PRKAB2: variants seen among roughly 807,000 people sequenced by gnomAD.
PRKAB2 encodes the protein 5'-AMP-activated protein kinase subunit beta-2.
In PRKAB2, 18 loss-of-function variants were observed where a neutral mutation model predicts 29.8. The ratio of observed to expected loss-of-function variants is 0.60; its 90% CI spans 0.42 to 0.89. The LOEUF (loss-of-function observed/expected upper bound fraction) is 0.89, where lower values mean the gene tolerates loss of function less well. PRKAB2 is among the 40% of genes least tolerant of loss of function. The pLI is 0.00. For synonymous variants in PRKAB2, 136 were observed against 125.9 expected (o/e 1.08, Z -0.54); for missense variants, 270 against 344.3 (o/e 0.78, Z 1.71).
chr1:147,158,150 T>C lies in PRKAB2; in HGVS notation c.*1415A>G, dbSNP rs1653765629. 6.6e-6 allele frequency: 1 copy of C among 152,130 alleles called. No individual in the cohort carries two copies. Among genetic ancestry groups the C allele is most frequent in the Non-Finnish European group, 1.5e-5 (1 of 68,024 alleles). The allele number at this position is 152,130 out of a possible 1,614,324, so 9.4% of individuals were successfully genotyped here. On this transcript the variant is annotated 3_prime_UTR_variant, in exon 8 of 8. Coordinates refer to ENST00000254101, the MANE Select transcript of PRKAB2 (RefSeq NM_005399.5). Reference sequence around the variant, plus strand: ...CCCCAGCTACTTGGGAAAAAATGTTTTATCTCTGAACCCCAAAAGTGGATT... The same window carrying C: ...CCCCAGCTACTTGGGAAAAAATGTTCTATCTCTGAACCCCAAAAGTGGATT...
intron 7 of PRKAB2, chr1:147,160,918 CAT>C (rs1439194043): frequency 6.6e-6 from 1 of 152,048 alleles, no homozygotes; most frequent in African/African-American, 2.4e-5. Flanking sequence ...TATTGTACCA[CAT>C]AGTTTGTTAG....
chr1:147,171,975 C>T lies in PRKAB2; in HGVS notation c.156+14G>A, dbSNP rs1183077911. The T allele has an allele frequency of 1.3e-6, 2 of 1,596,618 alleles. No homozygotes were observed. The highest frequency in any genetic ancestry group is 2.3e-5 in the East Asian group (1 of 43,552). The stretch of plus-strand genomic sequence containing the variant: ...CTGCAGTACTGACACCAACTGCGGG[C>T]ATGGGACGCTTACCTTGGAGTCAGG... On this transcript the variant is annotated intron_variant, in intron 2 of 7. Transcript: ENST00000254101.
Position 147,166,573 on chromosome 1 carries a change from C to T in PRKAB2, c.463G>A (p.Val155Ile), listed in dbSNP as rs34137344. The T allele has an allele frequency of 4.5e-4, 733 of 1,613,990 alleles. 9 individuals carry two copies. Among genetic ancestry groups the T allele is most frequent in the Admixed American group, 3.5e-4 (21 of 60,000 alleles). Residue 155 changes from valine to isoleucine, a missense_variant, in exon 5 of 8, where the codon GTC becomes ATC. Physicochemically the swap from Val to Ile is conservative, Grantham distance 29. Around this residue, in one of 2 missense-constraint regions of PRKAB2, gnomAD observed 228 missense variants for 255.5 expected, o/e 0.89. Coordinates refer to ENST00000254101, the MANE Select transcript of PRKAB2 (RefSeq NM_005399.5). ...AACACCTCAAAATCAGATTTCTTGA[C>T]ATGGATCAAATTGTTAATTGTGCCA... is the stretch of plus-strand genomic sequence containing the variant. ...QLGTINNLIH[V>I]KKSDFEVFDA...
chr1:147,155,455 G>T lies in PRKAB2; in HGVS notation c.*4110C>A, dbSNP rs1553912326. ...CTCCAATGTACCAAAATTCAAACAA[G>T]TCTCATTTATGAGACCCGTGTAGTG... On this transcript the variant is annotated 3_prime_UTR_variant, in exon 8 of 8. Coordinates refer to ENST00000254101, the MANE Select transcript of PRKAB2 (RefSeq NM_005399.5). 1 of 152,504 alleles carries T rather than the reference G, an allele frequency of 6.6e-6. No homozygotes were observed. Among genetic ancestry groups the T allele is most frequent in the Non-Finnish European group, 1.5e-5 (1 of 68,026 alleles). The allele number at this position is 152,504 out of a possible 1,614,324, so 9.4% of individuals were successfully genotyped here.
At position 147,155,561 on chromosome 1, in the gene PRKAB2, C is replaced by T. The variant is rs1302871960; in HGVS notation, c.*4004G>A. On this transcript the variant is annotated 3_prime_UTR_variant, in exon 8 of 8. Coordinates refer to ENST00000254101, the MANE Select transcript of PRKAB2 (RefSeq NM_005399.5). ...TAGGTAAGTGTTTTGTACAGGGGAA[C>T]AGAAAAGAAGTAAGATCATCAATAC... The T allele has an allele frequency of 1.3e-5, 2 of 152,462 alleles. No individual in the cohort carries two copies. The highest frequency in any genetic ancestry group is 2.9e-5 in the Non-Finnish European group (2 of 67,996). The allele number at this position is 152,462 out of a possible 1,614,324, so 9.4% of individuals were successfully genotyped here.
At position 147,156,133 on chromosome 1, in the gene PRKAB2, A is replaced by T. The variant is rs1277156389; in HGVS notation, c.*3432T>A. The T allele has an allele frequency of 6.6e-6, 1 of 152,584 alleles. No individual in the cohort carries two copies. Among genetic ancestry groups the T allele is most frequent in the Admixed American group, 6.6e-5 (1 of 15,262 alleles). The allele number at this position is 152,584 out of a possible 1,614,324, so 9.5% of individuals were successfully genotyped here. On this transcript the variant is annotated 3_prime_UTR_variant, in exon 8 of 8. Coordinates refer to ENST00000254101, the MANE Select transcript of PRKAB2 (RefSeq NM_005399.5). Reference sequence around the variant, plus strand: ...TTAAGGGGAATCACAATAATGCAGGAATACACTGTACATCTGCTATTAAGC... The same window carrying T: ...TTAAGGGGAATCACAATAATGCAGGTATACACTGTACATCTGCTATTAAGC...
At position 147,156,547 on chromosome 1, in the gene PRKAB2, A is replaced by G. The variant is rs1653682863; in HGVS notation, c.*3018T>C. The G allele has an allele frequency of 6.6e-6, 1 of 152,136 alleles. No individual in the cohort carries two copies. The highest frequency in any genetic ancestry group is 1.5e-5 in the Non-Finnish European group (1 of 68,018). 9.4% of individuals were successfully genotyped at this position (152,136 alleles called of 1,614,324 possible). A position where few individuals can be genotyped will look rare whatever the true frequency, so the allele number is the denominator to read the frequency against. ...GATTCTTCTTTTACAAAGTTTCTCTACCATACAAACATACGTTTTAAAAGC... is the reference window on the plus strand; with the variant it reads ...GATTCTTCTTTTACAAAGTTTCTCTGCCATACAAACATACGTTTTAAAAGC... On this transcript the variant is annotated 3_prime_UTR_variant, in exon 8 of 8. Coordinates refer to ENST00000254101, the MANE Select transcript of PRKAB2 (RefSeq NM_005399.5).
intron 5 of PRKAB2, 22 bp from the exon 6 acceptor site, chr1:147,162,595 A>T: frequency 6.3e-7 from 1 of 1,589,830 alleles, no homozygotes; most frequent in Non-Finnish European, 8.6e-7. Context: ...TTATACAAAT[A>T]TGAGAAAGAG....
At chr1:147,169,933 CT>C (rs1654435114) in intron 2 of PRKAB2, among the ~76,000 whole-genome samples, 1 of 152,194 alleles carries the variant, frequency 6.6e-6, no homozygotes, top group South Asian at 2.1e-4. Context: ...CTGTCAGTTA[CT>C]TTTATGACAG....
Position 147,167,833 on chromosome 1 carries a change from C to T in PRKAB2, c.257G>A (p.Gly86Glu), listed in dbSNP as rs1553913871. ...CCCAGAGATGAAGACCTCCTTGCCT[C>T]CTTCAGACCAGCGGATAACAGTGGG... ...ARPTVIRWSEGGKEVFISGSF... is the reference protein window; with the variant it reads ...ARPTVIRWSEEGKEVFISGSF... Residue 86 changes from glycine to glutamate, a missense_variant, in exon 3 of 8, where the codon GGA becomes GAA. By Grantham distance (98) the Gly-to-Glu change is moderately conservative. Transcript: ENST00000254101. 9 of 1,614,160 alleles carry T rather than the reference C, an allele frequency of 5.6e-6. No individual in the cohort carries two copies. Among genetic ancestry groups the T allele is most frequent in the Non-Finnish European group, 7.6e-6 (9 of 1,180,014 alleles).
intron 2 of PRKAB2, among the ~76,000 whole-genome samples, chr1:147,169,461 A>G (rs1654409778): frequency 6.6e-6 from 1 of 152,224 alleles, no homozygotes; most frequent in Admixed American, 6.5e-5. Context: ...TAACCCTCAG[A>G]TTCGGATGTA....
Position 147,159,192 on chromosome 1 carries a change from C to G in PRKAB2, c.*373G>C, listed in dbSNP as rs1653822356. 1 of 190,792 alleles carries G rather than the reference C, an allele frequency of 5.2e-6. No homozygotes were observed. The highest frequency in any genetic ancestry group is 1.2e-4 in the South Asian group (1 of 8,056). 11.8% of individuals were successfully genotyped at this position (190,792 alleles called of 1,614,324 possible). A position where few individuals can be genotyped will look rare whatever the true frequency, so the allele number is the denominator to read the frequency against. ...CAAGGTAGCAGTGATAGAATCTCCA[C>G]CCAACAAGGATCCTAAGAGTTTGCT... On this transcript the variant is annotated 3_prime_UTR_variant, in exon 8 of 8. Transcript: ENST00000254101.
Position 147,162,440 on chromosome 1 carries a change from A to G in PRKAB2, c.672T>C (p.Ser224=). ...QVILNKDTNI[S]CDPALLPEPN... The stretch of plus-strand genomic sequence containing the variant: ...CCCCAGTAATACTCAGGATACTCAC[A>G]GAAATATTAGTGTCTTTGTTAAGAA... Residue 224 remains serine (S), a splice_region_variant and synonymous_variant, in exon 6 of 8, where the codon TCT becomes TCC. Transcript: ENST00000254101. The G allele has an allele frequency of 6.2e-7, 1 of 1,611,704 alleles. No homozygotes were observed. Among genetic ancestry groups the G allele is most frequent in the Non-Finnish European group, 8.5e-7 (1 of 1,178,416 alleles).
In PRKAB2 at chr1:147,159,232, G is replaced by A. The variant is rs138108363; in HGVS notation, c.*333C>T. On this transcript the variant is annotated 3_prime_UTR_variant, in exon 8 of 8. Transcript: ENST00000254101. ...AAGAGTTTGCTGTTCTTTCATTTTA[G>A]GAAAAATCTTCCTATATAGTTATTC... The A allele has an allele frequency of 3.9e-4, 91 of 235,988 alleles. No individual in the cohort carries two copies. The highest frequency in any genetic ancestry group is 1.9e-3 in the African/African-American group (84 of 44,482). 14.6% of individuals were successfully genotyped at this position (235,988 alleles called of 1,614,324 possible). A position where few individuals can be genotyped will look rare whatever the true frequency, so the allele number is the denominator to read the frequency against.
At position 147,156,697 on chromosome 1, in the gene PRKAB2, A is replaced by G. The variant is rs782412543; in HGVS notation, c.*2868T>C. On this transcript the variant is annotated 3_prime_UTR_variant, in exon 8 of 8. Coordinates refer to ENST00000254101, the MANE Select transcript of PRKAB2 (RefSeq NM_005399.5). ...TCCATACCAGCAGCATGGCTAACGT[A>G]TGTGTTTTAGGTAATGTCTGACACT... The G allele has an allele frequency of 6.6e-6, 1 of 152,168 alleles. No individual in the cohort carries two copies. The highest frequency in any genetic ancestry group is 6.6e-5 in the Admixed American group (1 of 15,252). 9.4% of individuals were successfully genotyped at this position (152,168 alleles called of 1,614,324 possible). A position where few individuals can be genotyped will look rare whatever the true frequency, so the allele number is the denominator to read the frequency against.
intron 5 of PRKAB2, among the ~76,000 whole-genome samples, chr1:147,165,808 T>C (rs1202231456): frequency 6.6e-6 from 1 of 152,132 alleles, no homozygotes; most frequent in Admixed American, 6.6e-5. Context: ...GGTGGTTGTC[T>C]TGTTTTTGAG....
Position 147,159,491 on chromosome 1 carries a change from A to G in PRKAB2, c.*74T>C. 1 of 1,340,982 alleles carries G rather than the reference A, an allele frequency of 7.5e-7. No individual in the cohort carries two copies. The highest frequency in any genetic ancestry group is 1.1e-6 in the Non-Finnish European group (1 of 942,618). The allele number at this position is 1,340,982 out of a possible 1,614,324, so 83.1% of individuals were successfully genotyped here. A position where few individuals can be genotyped will look rare whatever the true frequency, so the allele number is the denominator to read the frequency against. On this transcript the variant is annotated 3_prime_UTR_variant, in exon 8 of 8. Transcript: ENST00000254101. ...CAAAGCAAATCAGCCTTCCAGTCTC[A>G]GGTAAGACTGGTTCAGTCCAGAAAT...
chr1:147,157,570 A>C lies in PRKAB2; in HGVS notation c.*1995T>G, dbSNP rs1553912580. ...AAAATTTTCATACATGAACACATAC[A>C]TATTACATTTCAATACTGTTGACAA... On this transcript the variant is annotated 3_prime_UTR_variant, in exon 8 of 8. Coordinates refer to ENST00000254101, the MANE Select transcript of PRKAB2 (RefSeq NM_005399.5). The C allele has an allele frequency of 6.6e-6, 1 of 152,198 alleles. No individual in the cohort carries two copies. Among genetic ancestry groups the C allele is most frequent in the Admixed American group, 6.5e-5 (1 of 15,280 alleles). The allele number at this position is 152,198 out of a possible 1,614,324, so 9.4% of individuals were successfully genotyped here. A position where few individuals can be genotyped will look rare whatever the true frequency, so the allele number is the denominator to read the frequency against.
rs1203153021 is a variant in PRKAB2 at position 147,155,208 on chromosome 1, CAAATTACGTTTGAA to C, written c.*4343_*4356del. The C allele has an allele frequency of 3.9e-5, 6 of 152,440 alleles. No homozygotes were observed. Among genetic ancestry groups the C allele is most frequent in the Non-Finnish European group, 5.9e-5 (4 of 68,002 alleles). 9.4% of individuals were successfully genotyped at this position (152,440 alleles called of 1,614,324 possible). On this transcript the variant is annotated 3_prime_UTR_variant, in exon 8 of 8. Transcript: ENST00000254101. ...TTCCAGGTGTGTCAGAGTCCAGTGACAAATTACGTTTGAAGAACAGCTTTAAAATCCACTCTTGT... is the reference window on the plus strand; with the variant it reads ...TTCCAGGTGTGTCAGAGTCCAGTGACGAACAGCTTTAAAATCCACTCTTGT...
Sources: allele counts gnomAD v4.1 joint callset (sites outside exome capture counted in the v4.1 genomes callset), GRCh38; gene constraint gnomAD v4.1.1; regional missense constraint gnomAD v4.1.1; transcripts MANE v1.5; gene names NCBI Gene and HGNC (gene_info 2026-07-23, HGNC 2026-07-21).